The following ERF variants were observed in gnomAD, a reference collection of about 807,000 sequenced individuals.
ERF encodes the protein ETS2 repressor factor, also known as ETS domain-containing transcription factor ERF.
In ERF, 10 loss-of-function variants were observed where a neutral mutation model predicts 41.6. That is an observed-to-expected ratio of 0.24 (90% CI 0.15 to 0.41). The LOEUF (loss-of-function observed/expected upper bound fraction) is 0.41. Ranked by LOEUF, ERF falls within the 10% of genes least tolerant of loss-of-function variation. The probability of loss-of-function intolerance (pLI) is 1.00; values close to 1 mark genes in which losing one functional copy is unlikely to be tolerated. For missense variants in ERF, 621 were observed against 763.2 expected, an observed-to-expected ratio of 0.81 and a Z score of 2.19; for synonymous variants, 395 against 342.4, an observed-to-expected ratio of 1.15 and a Z score of -1.70.
intron 1 of ERF, chr19:42,251,241 C>A (rs2036440429): frequency 1.0e-6 from 1 of 985,952 alleles, no homozygotes; most frequent in African/African-American, 1.7e-5. Context: ...CTCCCCAGAC[C>A]CAGGCATCCA....
intron 1 of ERF, chr19:42,254,468 C>T (rs1367997521): frequency 6.5e-6 from 1 of 153,078 alleles, no homozygotes; most frequent in African/African-American, 2.4e-5. Context: ...GCGGCGCAGC[C>T]AGGACCCCGA....
chr19:42,248,849 C>T lies in ERF; in HGVS notation c.1263G>A (p.Pro421=), dbSNP rs750423382. The T allele has an allele frequency of 8.1e-6, 13 of 1,610,716 alleles. No homozygotes were observed. The highest frequency in any genetic ancestry group is 3.3e-5 in the Admixed American group (2 of 59,938). Reference sequence around the variant, plus strand: ...TGGGCTCCACCTTGATCTGTGGTGGCGGGGGCGGTGGGGCTAGCGCCCCTG... The same window carrying T: ...TGGGCTCCACCTTGATCTGTGGTGGTGGGGGCGGTGGGGCTAGCGCCCCTG... ...EGAGALAPPP[P]PPQIKVEPIS... Residue 421 remains proline (P), a synonymous_variant, in exon 4 of 4, where the codon CCG becomes CCA. Coordinates refer to ENST00000222329, the MANE Select transcript of ERF (RefSeq NM_006494.4). The surrounding 1 kb of genome is among the most constrained non-coding windows in gnomAD (Gnocchi z 4.2).
At chr19:42,254,268 C>T (rs552292079) in intron 1 of ERF, among the ~76,000 whole-genome samples, 1 of 151,900 alleles carries the variant, frequency 6.6e-6, no homozygotes, top group Non-Finnish European at 1.5e-5. Context: ...CCTTCCCCAC[C>T]CTCCTCAACC....
intron 1 of ERF, chr19:42,251,488 CCAA>C (rs1319854732): frequency 1.9e-6 from 1 of 520,010 alleles, no homozygotes; most frequent in Non-Finnish European, 2.4e-6. Context: ...TTGTCATTTC[CCAA>C]CAACAGGGGC....
intron 1 of ERF, among the ~76,000 whole-genome samples, chr19:42,252,361 C>G (rs1264878319): frequency 6.6e-6 from 1 of 152,210 alleles, no homozygotes; most frequent in Non-Finnish European, 1.5e-5. Context: ...ATTAAAGCCA[C>G]CCTTCCCAGC....
In ERF at chr19:42,250,828, G is replaced by A. The variant is rs905795326; in HGVS notation, c.23-263C>T. 7.9e-5 allele frequency among the ~76,000 whole-genome samples: 12 copies of A among 152,164 alleles called. No individual in the cohort carries two copies. The highest frequency in any genetic ancestry group is 2.1e-4 in the South Asian group (1 of 4,812). On this transcript the variant is annotated intron_variant, in intron 1 of 3. Transcript: ENST00000222329. This position sits in a 1 kb window ranked among gnomAD's most constrained non-coding sequence, Gnocchi z 5.1. ...CAGGAAACCGTCGGCGGTGGGTCCC[G>A]GGGCCAGTGCCAGGGGGCCAGGCAC...
In ERF at chr19:42,248,402, G is replaced by A. The variant is rs1312222397; in HGVS notation, c.*63C>T. 1 of 1,393,450 alleles carries A rather than the reference G, an allele frequency of 7.2e-7. No homozygotes were observed. Among genetic ancestry groups the A allele is most frequent in the East Asian group, 2.5e-5 (1 of 39,430 alleles). 86.3% of individuals were successfully genotyped at this position (1,393,450 alleles called of 1,614,324 possible). On this transcript the variant is annotated 3_prime_UTR_variant, in exon 4 of 4. Transcript: ENST00000222329. This position sits in a 1 kb window ranked among gnomAD's most constrained non-coding sequence, Gnocchi z 4.2. ...GCTGCCCTCACCTCCAGGGCATAGG[G>A]GGCTTAAGGCAGCAAAAGAAGCATG...
rs1225268029 is a variant in ERF, at chr19:42,255,069, G to C, written c.-70C>G. 8.0e-7 allele frequency: 1 copy of C among 1,244,310 alleles called. No individual in the cohort carries two copies. The highest frequency in any genetic ancestry group is 1.0e-6 in the Non-Finnish European group (1 of 985,438). The allele number at this position is 1,244,310 out of a possible 1,614,324, so 77.1% of individuals were successfully genotyped here. A position where few individuals can be genotyped will look rare whatever the true frequency, so the allele number is the denominator to read the frequency against. The stretch of plus-strand genomic sequence containing the variant: ...CCCGGCGCCCTCGCTGCCCCGTCCC[G>C]TCCCGCGCCCGTCGGGCCGCCCTCG... On this transcript the variant is annotated 5_prime_UTR_variant, in exon 1 of 4. Transcript: ENST00000222329.
chr19:42,254,696 G>C, intron 1 of ERF: 1 of 281,816 alleles, frequency 3.5e-6, no homozygotes. Context: ...CGCCACCCCC[G>C]TGATCCCGGG....
chr19:42,250,990 A>G lies in ERF; in HGVS notation c.23-425T>C, dbSNP rs1040690514. 6.6e-6 allele frequency among the ~76,000 whole-genome samples: 1 copy of G among 151,940 alleles called. No homozygotes were observed. Among genetic ancestry groups the G allele is most frequent in the Non-Finnish European group, 1.5e-5 (1 of 67,980 alleles). On this transcript the variant is annotated intron_variant, in intron 1 of 3. Coordinates refer to ENST00000222329, the MANE Select transcript of ERF (RefSeq NM_006494.4). This position sits in a 1 kb window ranked among gnomAD's most constrained non-coding sequence, Gnocchi z 5.1. Reference sequence around the variant, plus strand: ...CAGTTGCACCACCCCAGCTCCTCGGATGTCCTCCTTAGAAACATGCACTGT... The same window carrying G: ...CAGTTGCACCACCCCAGCTCCTCGGGTGTCCTCCTTAGAAACATGCACTGT...
chr19:42,248,266 G>T lies in ERF; in HGVS notation c.*199C>A. 9.9e-6 allele frequency: 2 copies of T among 201,412 alleles called. No individual in the cohort carries two copies. Among genetic ancestry groups the T allele is most frequent in the Non-Finnish European group, 1.8e-5 (2 of 109,474 alleles). 12.5% of individuals were successfully genotyped at this position (201,412 alleles called of 1,614,324 possible). ...TAGAAACCCACAGAGACAGGGAATA[G>T]CCCCTAGCCCTGGGCACCCACCCAC... On this transcript the variant is annotated 3_prime_UTR_variant, in exon 4 of 4. Transcript: ENST00000222329. The surrounding 1 kb of genome is among the most constrained non-coding windows in gnomAD (Gnocchi z 4.2).
chr19:42,254,609 C>G (rs183811661), intron 1 of ERF: 7 of 209,482 alleles, frequency 3.3e-5, no homozygotes, highest in Non-Finnish European at 6.7e-5. Flanking sequence ...ATAGCGGGCC[C>G]GGTGGACGAG....
At position 42,249,637 on chromosome 19, in the gene ERF, G is replaced by A; in HGVS notation, c.475C>T (p.Pro159Ser). Residue 159 changes from proline to serine, a missense_variant, in exon 4 of 4, where the codon CCC becomes TCC. Physicochemically the swap from Pro to Ser is moderately conservative, Grantham distance 74 (BLOSUM62 -1). Transcript: ENST00000222329. The surrounding 1 kb of genome is among the most constrained non-coding windows in gnomAD (Gnocchi z 8.6). Reference sequence around the variant, plus strand: ...GAAGAGCAGGCTGGTGGTGAGCGGGGGTCCTCGGTGGGGGACAGCACCTCG... The same window carrying A: ...GAAGAGCAGGCTGGTGGTGAGCGGGAGTCCTCGGTGGGGGACAGCACCTCG... Reference protein sequence around the residue: ...PSEVLSPTEDPRSPPACSSSS... With the variant: ...PSEVLSPTEDSRSPPACSSSS... The A allele has an allele frequency of 2.5e-6, 4 of 1,611,344 alleles. No homozygotes were observed. Among genetic ancestry groups the A allele is most frequent in the Non-Finnish European group, 3.4e-6 (4 of 1,178,842 alleles).
Position 42,255,034 on chromosome 19 carries a change from G to C in ERF, c.-35C>G. On this transcript the variant is annotated 5_prime_UTR_variant, in exon 1 of 4. Coordinates refer to ENST00000222329, the MANE Select transcript of ERF (RefSeq NM_006494.4). ...CCCGGGGCGAAGCGCCCCGATTCCG[G>C]GCCGCGGCTCCCGGCGCCCTCGCTG... The C allele has an allele frequency of 2.2e-6, 3 of 1,383,468 alleles. No individual in the cohort carries two copies. Among genetic ancestry groups the C allele is most frequent in the Non-Finnish European group, 2.8e-6 (3 of 1,069,212 alleles). The allele number at this position is 1,383,468 out of a possible 1,614,324, so 85.7% of individuals were successfully genotyped here.
chr19:42,251,493 A>G, intron 1 of ERF: 1 of 463,470 alleles, frequency 2.2e-6, no homozygotes, highest in Non-Finnish European at 2.8e-6. Context: ...ATTTCCCAAC[A>G]ACAGGGGCCA....
intron 1 of ERF, among the ~76,000 whole-genome samples, chr19:42,251,008 T>C (rs2036436178): frequency 6.6e-6 from 1 of 151,542 alleles, no homozygotes; most frequent in Admixed American, 6.6e-5. Context: ...CTTAGAAACA[T>C]GCACTGTCTC....
At chr19:42,253,776 G>A in intron 1 of ERF, 2 of 717,582 alleles carry the variant, frequency 2.8e-6, no homozygotes, top group Non-Finnish European at 3.4e-6. Context: ...AGGGGGATGG[G>A]GATGGGAATG....
Position 42,248,845 on chromosome 19 carries a change from G to A in ERF, c.1267C>T (p.Pro423Ser). Residue 423 changes from proline (P) to serine (S), a missense_variant, in exon 4 of 4, where the codon CCA (proline) becomes TCA (serine). Coordinates refer to ENST00000222329, the MANE Select transcript of ERF (RefSeq NM_006494.4). The surrounding 1 kb of genome is among the most constrained non-coding windows in gnomAD (Gnocchi z 4.2). The stretch of plus-strand genomic sequence containing the variant: ...GAGATGGGCTCCACCTTGATCTGTG[G>A]TGGCGGGGGCGGTGGGGCTAGCGCC... The part of the protein sequence containing the change: ...AGALAPPPPP[P>S]QIKVEPISEG... The A allele has an allele frequency of 1.2e-6, 2 of 1,611,536 alleles. No homozygotes were observed. The highest frequency in any genetic ancestry group is 1.7e-6 in the Non-Finnish European group (2 of 1,179,370).
At chr19:42,251,110 G>T in intron 1 of ERF, 2 of 597,946 alleles carry the variant, frequency 3.3e-6, no homozygotes, top group Non-Finnish European at 4.2e-6. Flanking sequence ...GAGGGGTGGG[G>T]TGACTCGGTT....
Sources: allele counts gnomAD v4.1 joint callset (sites outside exome capture counted in the v4.1 genomes callset), GRCh38; gene constraint gnomAD v4.1.1; non-coding constraint Gnocchi (gnomAD v3.1); transcripts MANE v1.5; gene names NCBI Gene and HGNC (gene_info 2026-07-23, HGNC 2026-07-21).